The following EBF2 variants were observed in gnomAD, a reference collection of about 807,000 sequenced individuals.
EBF2 encodes EBF transcription factor 2, also known as transcription factor COE2.
In EBF2, 21 loss-of-function variants were observed where a neutral mutation model predicts 72.8. That is an observed-to-expected ratio of 0.29 (90% CI 0.20 to 0.42). The LOEUF (loss-of-function observed/expected upper bound fraction) is 0.42. Among genes scored for constraint, EBF2 ranks in the 10% least tolerant of loss-of-function variants. The pLI is 1.00. For synonymous variants in EBF2, 299 were observed against 274.2 expected, an observed-to-expected ratio of 1.09 and a Z score of -0.89; for missense variants, 637 against 731.2, an observed-to-expected ratio of 0.87 and a Z score of 1.49.
At chr8:25,945,325 C>T (rs1196750834) in intron 6 of EBF2, among the ~76,000 whole-genome samples, 1 of 152,084 alleles carries the variant, frequency 6.6e-6, no homozygotes, top group East Asian at 1.9e-4. Flanking sequence ...ATAGTTCAGA[C>T]CAGAAAATTT....
chr8:25,896,000 G>A (rs1208394699), intron 7 of EBF2, among the ~76,000 whole-genome samples: 1 of 151,828 alleles, frequency 6.6e-6, no homozygotes, highest in East Asian at 1.9e-4. Context: ...TGATTTAGTT[G>A]AATTACATAA....
At chr8:25,888,032 C>G (rs1802720453) in intron 8 of EBF2, 60 bp from the exon 9 acceptor site, 1 of 1,524,298 alleles carries the variant, frequency 6.6e-7, no homozygotes, top group South Asian at 1.3e-5. Context: ...AACTTTTTGG[C>G]TTCCCAGGCC....
At chr8:25,906,116 T>C (rs1054970917) in intron 7 of EBF2, among the ~76,000 whole-genome samples, 1 of 152,218 alleles carries the variant, frequency 6.6e-6, no homozygotes, top group East Asian at 1.9e-4. Flanking sequence ...TGTGAATATA[T>C]TCCTAAACTT....
chr8:25,844,635 T>G lies in EBF2; in HGVS notation c.1702A>C (p.Thr568Pro), dbSNP rs1290637961. The G allele has an allele frequency of 6.2e-7, 1 of 1,613,990 alleles. No individual in the cohort carries two copies. The highest frequency in any genetic ancestry group is 1.7e-5 in the Admixed American group (1 of 60,000). ...SGNGNGFRAM[T>P]GLVVPPM Reference sequence around the variant, plus strand: ...TACATCGGGGGTACAACAAGTCCGGTCATGGCTGCAAGGAAAGAGTGGCAC... The same window carrying G: ...TACATCGGGGGTACAACAAGTCCGGGCATGGCTGCAAGGAAAGAGTGGCAC... Residue 568 changes from threonine (T) to proline (P), a missense_variant, in exon 16 of 16, where the codon ACC (threonine) becomes CCC (proline). Transcript: ENST00000520164.
chr8:25,869,917 G>A (rs796870275), intron 10 of EBF2, among the ~76,000 whole-genome samples: 1 of 152,168 alleles, frequency 6.6e-6, no homozygotes, highest in South Asian at 2.1e-4. Flanking sequence ...AGTGGTAAAG[G>A]TGGGATCTGT....
chr8:25,895,308 C>G (rs1443443593), intron 7 of EBF2, among the ~76,000 whole-genome samples: 1 of 151,818 alleles, frequency 6.6e-6, no homozygotes, highest in Admixed American at 6.5e-5. Context: ...ATTGAAATTG[C>G]TTGCATTTTT....
intron 6 of EBF2, among the ~76,000 whole-genome samples, chr8:25,969,282 T>G (rs1046216344): frequency 6.6e-6 from 1 of 152,250 alleles, no homozygotes; most frequent in Non-Finnish European, 1.5e-5. Flanking sequence ...TGTCTAAAAC[T>G]GGCTCCATTT....
chr8:25,879,629 G>A (rs1802575798), intron 10 of EBF2, among the ~76,000 whole-genome samples: 1 of 152,108 alleles, frequency 6.6e-6, no homozygotes, highest in Non-Finnish European at 1.5e-5. Context: ...TGACTTCAGG[G>A]ACAGCCCACT....
chr8:25,972,694 C>T (rs180788698), intron 6 of EBF2, among the ~76,000 whole-genome samples: 195 of 152,224 alleles, frequency 1.3e-3, no homozygotes, highest in African/African-American at 3.9e-3. Flanking sequence ...CCGGGACCCA[C>T]GCCCAATGTT....
At position 25,858,496 on chromosome 8, in the gene EBF2, G is replaced by A. The variant is rs375806937; in HGVS notation, c.1351C>T (p.Arg451Cys). 1.9e-5 allele frequency: 31 copies of A among 1,613,196 alleles called. No homozygotes were observed. Among genetic ancestry groups the A allele is most frequent in the African/African-American group, 4.0e-5 (3 of 74,822 alleles). ...CGCGGAGAGATGCTGCTTGTGTTGC[G>A]GATGTACCCTTGGCAACAAAGAAAA... ...STQGNNQGYI[R>C]NTSSISPRGY... The change falls in exon 14 of 16, where the codon CGC becomes TGC. Residue 451 changes from arginine (R) to cysteine (C), a missense_variant. This residue lies in a region of EBF2 where 259 missense variants were observed against 268.1 expected (regional missense o/e 0.97). Coordinates refer to ENST00000520164, the MANE Select transcript of EBF2 (RefSeq NM_022659.4).
chr8:25,864,383 T>G (rs568573430), intron 10 of EBF2, among the ~76,000 whole-genome samples: 1 of 152,178 alleles, frequency 6.6e-6, no homozygotes, highest in Non-Finnish European at 1.5e-5. Context: ...AAAAATACTT[T>G]ATATGTTGAG....
intron 6 of EBF2, among the ~76,000 whole-genome samples, chr8:26,008,681 T>G (rs144677088): frequency 6.6e-6 from 1 of 152,172 alleles, no homozygotes; most frequent in Non-Finnish European, 1.5e-5. Flanking sequence ...CAATATTAAA[T>G]TAGCAGCGTT....
intron 8 of EBF2, 96 bp from the exon 9 acceptor site, chr8:25,888,068 G>T (rs1389026841): frequency 2.1e-6 from 3 of 1,403,372 alleles, no homozygotes; most frequent in Non-Finnish European, 2.9e-6. Flanking sequence ...ATTGTCTTGG[G>T]CCACGTATAA....
intron 6 of EBF2, among the ~76,000 whole-genome samples, chr8:25,928,790 A>AAAAAAC (rs1803432160): frequency 6.6e-6 from 1 of 150,658 alleles, no homozygotes; most frequent in South Asian, 2.1e-4. Flanking sequence ...ATGAAAAAAA[A>AAAAAAC]AAAAAAAAAA....
intron 8 of EBF2, among the ~76,000 whole-genome samples, chr8:25,888,949 G>T (rs1802734015): frequency 6.6e-6 from 1 of 152,140 alleles, no homozygotes; most frequent in African/African-American, 2.4e-5. Flanking sequence ...CACTGTGGGA[G>T]AATTAACACC....
chr8:26,005,003 T>C (rs1186160832), intron 6 of EBF2, among the ~76,000 whole-genome samples: 2 of 150,770 alleles, frequency 1.3e-5, no homozygotes, highest in Non-Finnish European at 2.9e-5. Context: ...TAGTCTTCTT[T>C]TGAGGTAGAC....
intron 6 of EBF2, among the ~76,000 whole-genome samples, chr8:25,956,615 A>G (rs1471862828): frequency 8.5e-5 from 13 of 152,080 alleles, no homozygotes. Context: ...CTATTATTAC[A>G]TACTCTATGT....
intron 6 of EBF2, among the ~76,000 whole-genome samples, chr8:26,018,789 C>A (rs1252187357): frequency 1.3e-5 from 2 of 151,994 alleles, no homozygotes; most frequent in African/African-American, 2.4e-5. Flanking sequence ...GAAGAGGTCC[C>A]TGAGCTTGGA....
intron 6 of EBF2, among the ~76,000 whole-genome samples, chr8:25,990,145 G>A (rs1804521525): frequency 6.6e-6 from 1 of 151,458 alleles, no homozygotes; most frequent in Admixed American, 6.6e-5. Context: ...ATAAAAAAAT[G>A]TCCTTATACA....
Sources: gnomAD v4.1 joint callset for allele counts (sites outside exome capture counted in the v4.1 genomes callset) on GRCh38, gnomAD v4.1.1 for gene constraint, gnomAD v4.1.1 regional missense constraint, MANE v1.5 for transcripts, NCBI Gene and HGNC (gene_info 2026-07-23, HGNC 2026-07-21) for gene names.